Variants in FANK1 observed in about 807,000 individuals in gnomAD.
FANK1 encodes the protein fibronectin type 3 and ankyrin repeat domains protein 1.
A neutral mutation model predicts 45.3 loss-of-function variants in FANK1; 44 were observed. The observed-to-expected ratio is 0.97, with a 90% CI of 0.76 to 1.25. The LOEUF is 1.25. Ranked by LOEUF, FANK1 falls within the 50% of genes most tolerant of loss-of-function variation. FANK1 has a pLI of 0.00. For missense variants in FANK1, 391 were observed against 424.4 expected (o/e 0.92, Z 0.69); for synonymous variants, 149 against 152.5 (o/e 0.98, Z 0.17).
chr10:125,943,341 A>G (rs1376640379), intron 1 of FANK1, among the ~76,000 whole-genome samples: 1 of 152,210 alleles, frequency 6.6e-6, no homozygotes. Flanking sequence ...AAATATTGAC[A>G]TATAATTAAT....
At chr10:125,931,935 T>C (rs538559962) in intron 1 of FANK1, among the ~76,000 whole-genome samples, 33 of 152,196 alleles carry the variant, frequency 2.2e-4, no homozygotes, top group African/African-American at 8.0e-4. Context: ...GCATAACCAA[T>C]TAGCCCAGCA....
chr10:125,902,695 A>G (rs1945144794), intron 1 of FANK1, among the ~76,000 whole-genome samples: 1 of 152,210 alleles, frequency 6.6e-6, no homozygotes, highest in African/African-American at 2.4e-5. Flanking sequence ...GGAGGCAAGT[A>G]AACTTATTTT....
chr10:126,008,473 C>T lies in FANK1; in HGVS notation c.772C>T (p.Gln258Ter). ...GAGAGTCTCTGCGGTGTCGGGAAAT[C>T]AGAGGGTGGCCTCTCTTCTAATTGA... The part of the protein sequence containing the change: ...LMRVSAVSGN[Q>*]RVASLLIDAG... The change falls in exon 8 of 11, where the codon CAG (glutamine) becomes TAG (stop). Residue 258 changes from glutamine (Q) to a stop codon, truncating the protein, a stop_gained. Coordinates refer to ENST00000368693, the MANE Select transcript of FANK1 (RefSeq NM_145235.5). LOFTEE classifies it high-confidence loss of function. 6.2e-7 allele frequency: 1 copy of T among 1,613,590 alleles called. No individual in the cohort carries two copies.
chr10:125,954,010 A>T (rs1375759144), intron 1 of FANK1, among the ~76,000 whole-genome samples: 1 of 148,238 alleles, frequency 6.7e-6, no homozygotes, highest in South Asian at 2.2e-4. Flanking sequence ...CCATGAGAGC[A>T]CACCGAACGA....
chr10:125,939,934 A>T lies in FANK1; in HGVS notation c.14-40227A>T, dbSNP rs1035794559. On this transcript the variant is annotated intron_variant, in intron 1 of 10. Transcript: ENST00000368693. ...TTCTACTGTCATTATTATTATTATT[A>T]TTTTTTTTTTTTTTGAGACAGAGTC... 7.9e-3 allele frequency among the ~76,000 whole-genome samples: 1,178 copies of T among 149,874 alleles called. 5 individuals carry two copies. Among genetic ancestry groups the T allele is most frequent in the Middle Eastern group, 0.014 (4 of 282 alleles).
Position 125,973,288 on chromosome 10 carries a change from G to A in FANK1, c.14-6873G>A, listed in dbSNP as rs11244739. ...TCTCTAGTAGGATTCTAGGCTGGAT[G>A]TCTTTGGAATTGAAATACTTGTTGG... On this transcript the variant is annotated intron_variant, in intron 1 of 10. Transcript: ENST00000368693. The A allele has an allele frequency of 4.5e-3, 1,009 of 223,630 alleles. 4 individuals are homozygous for A. Among genetic ancestry groups the A allele is most frequent in the Non-Finnish European group, 6.5e-3 (865 of 133,378 alleles). The allele number at this position is 223,630 out of a possible 1,614,324, so 13.9% of individuals were successfully genotyped here. A position where few individuals can be genotyped will look rare whatever the true frequency, so the allele number is the denominator to read the frequency against.
At chr10:125,957,643 G>C (rs1327043487) in intron 1 of FANK1, among the ~76,000 whole-genome samples, 1 of 151,916 alleles carries the variant, frequency 6.6e-6, no homozygotes, top group Non-Finnish European at 1.5e-5. Flanking sequence ...TCATGCCTCA[G>C]CCTCCCGAGA....
At chr10:125,979,486 C>T (rs577919327) in intron 1 of FANK1, among the ~76,000 whole-genome samples, 1 of 152,298 alleles carries the variant, frequency 6.6e-6, no homozygotes, top group South Asian at 2.1e-4. Context: ...TTCACTACAA[C>T]TGGCACATGA....
chr10:126,003,369 C>T (rs1952924516), intron 6 of FANK1, among the ~76,000 whole-genome samples: 1 of 151,752 alleles, frequency 6.6e-6, no homozygotes, highest in Non-Finnish European at 1.5e-5. Flanking sequence ...TTGAAATCAG[C>T]GTGGGCAATA....
intron 7 of FANK1, among the ~76,000 whole-genome samples, chr10:126,005,430 C>T (rs951193382): frequency 6.6e-6 from 1 of 151,770 alleles, no homozygotes; most frequent in Admixed American, 6.6e-5. Context: ...GCCTCAGCCT[C>T]CCTGGTAGCT....
chr10:125,941,230 A>G (rs1948433834), intron 1 of FANK1, among the ~76,000 whole-genome samples: 1 of 152,208 alleles, frequency 6.6e-6, no homozygotes. Context: ...AAGAATTTCT[A>G]CAAGTCAATT....
intron 1 of FANK1, among the ~76,000 whole-genome samples, chr10:125,977,823 G>A (rs1365622824): frequency 6.6e-6 from 1 of 152,168 alleles, no homozygotes; most frequent in Non-Finnish European, 1.5e-5. Context: ...GCCTCTCCTT[G>A]GGTCGACTGT....
chr10:125,929,450 A>T (rs1947604407), intron 1 of FANK1, among the ~76,000 whole-genome samples: 1 of 152,172 alleles, frequency 6.6e-6, no homozygotes, highest in Non-Finnish European at 1.5e-5. Flanking sequence ...AACTTCTCTT[A>T]ATCAAATAAG....
At chr10:125,979,165 G>T (rs1361139054) in intron 1 of FANK1, among the ~76,000 whole-genome samples, 3 of 152,090 alleles carry the variant, frequency 2.0e-5, no homozygotes, top group African/African-American at 7.2e-5. Context: ...GCTGACCCCC[G>T]GGGGGCCATT....
rs552403013 is a variant in FANK1 at position 125,941,924 on chromosome 10, C to G, written c.14-38237C>G. Among the ~76,000 whole-genome samples the G allele has an allele frequency of 2.6e-5, 4 of 152,206 alleles. No homozygotes were observed. The East Asian group carries it at 7.7e-4, about 29-fold the overall frequency. ...ATGTATGCAAAACTGGTGGTGGTGT[C>G]TTTGGGGGTTATTCAGGGCAATAGG... On this transcript the variant is annotated intron_variant, in intron 1 of 10. Transcript: ENST00000368693.
chr10:125,995,337 A>C, intron 3 of FANK1, 80 bp from the exon 4 acceptor site: 1 of 1,312,842 alleles, frequency 7.6e-7, no homozygotes, highest in Non-Finnish European at 1.1e-6. Context: ...TGATCCCCTG[A>C]AGGCCACAGG....
intron 1 of FANK1, among the ~76,000 whole-genome samples, chr10:125,951,838 GAC>G (rs1949254381): frequency 6.6e-6 from 1 of 152,094 alleles, no homozygotes; most frequent in African/African-American, 2.4e-5. Context: ...CTGAAATTGA[GAC>G]ACACACAAAA....
chr10:125,917,629 C>G (rs1320389154), intron 1 of FANK1, among the ~76,000 whole-genome samples: 1 of 142,732 alleles, frequency 7.0e-6, no homozygotes, highest in Admixed American at 7.1e-5. Context: ...TCATATAAAA[C>G]TTATATTAAG....
intron 1 of FANK1, among the ~76,000 whole-genome samples, chr10:125,907,161 C>G (rs972953384): frequency 6.6e-6 from 1 of 152,164 alleles, no homozygotes; most frequent in African/African-American, 2.4e-5. Flanking sequence ...ATAAAACTTA[C>G]CAGCCTTTTA....
Sources: allele counts gnomAD v4.1 joint callset (sites outside exome capture counted in the v4.1 genomes callset), GRCh38; gene constraint gnomAD v4.1.1; transcripts MANE v1.5; gene names NCBI Gene and HGNC (gene_info 2026-07-23, HGNC 2026-07-21).